AASS: variants seen among roughly 807,000 people sequenced by gnomAD.
The protein encoded by AASS is aminoadipate-semialdehyde synthase, also known as alpha-aminoadipic semialdehyde synthase, mitochondrial.
A neutral mutation model predicts 105.4 loss-of-function variants in AASS; 86 were observed. That is an observed-to-expected ratio of 0.82 (90% confidence interval 0.69 to 0.98). AASS has a LOEUF of 0.98. AASS is among the 50% of genes least tolerant of loss of function. AASS has a pLI of 0.00. For missense variants in AASS, 1,048 were observed against 1,143.2 expected, an observed-to-expected ratio of 0.92 and a Z score of 1.20; for synonymous variants, 381 against 394.8, an observed-to-expected ratio of 0.96 and a Z score of 0.41.
intron 11 of AASS, among the ~76,000 whole-genome samples, chr7:122,111,513 C>T (rs279668): frequency 0.63 from 96,016 of 152,074 alleles, 32,265 homozygotes; most frequent in African/African-American, 0.89. Flanking sequence ...ATGGTAAACA[C>T]CTTGGTAAAT....
chr7:122,130,310 G>A (rs1399225204), intron 2 of AASS, among the ~76,000 whole-genome samples: 1 of 151,958 alleles, frequency 6.6e-6, no homozygotes. Context: ...TCAGTAAGAG[G>A]CATTGAAGGC....
chr7:122,095,041 C>T (rs146425709), intron 15 of AASS, among the ~76,000 whole-genome samples: 29 of 152,200 alleles, frequency 1.9e-4, no homozygotes, highest in African/African-American at 7.0e-4. Flanking sequence ...TCCCAGATTT[C>T]CCCAAAGCCA....
At chr7:122,097,153 T>C (rs1039348737) in intron 15 of AASS, among the ~76,000 whole-genome samples, 1 of 151,888 alleles carries the variant, frequency 6.6e-6, no homozygotes, top group African/African-American at 2.4e-5. Context: ...CAGAACTACC[T>C]TTCATTATAT....
intron 17 of AASS, among the ~76,000 whole-genome samples, chr7:122,092,420 G>A (rs1376443750): frequency 6.6e-6 from 1 of 152,062 alleles, no homozygotes; most frequent in Non-Finnish European, 1.5e-5. Context: ...TGCTACCTAA[G>A]ACTTGGACAT....
intron 20 of AASS, among the ~76,000 whole-genome samples, chr7:122,080,471 C>T (rs1793258492): frequency 6.6e-6 from 1 of 152,144 alleles, no homozygotes; most frequent in Non-Finnish European, 1.5e-5. Context: ...AGAATGTCTG[C>T]ACCAACCTTC....
chr7:122,115,344 T>C, intron 8 of AASS, 122 bp from the exon 9 acceptor site: 2 of 1,296,014 alleles, frequency 1.5e-6, no homozygotes, highest in Non-Finnish European at 2.2e-6. Context: ...ATTGATTTTC[T>C]TATTGTCCAT....
rs1160905642 is a variant in AASS at position 122,129,527 on chromosome 7, T to C, written c.221A>G (p.Lys74Arg). Residue 74 changes from lysine (K) to arginine (R), a missense_variant, in exon 3 of 24, where the codon AAA (lysine) becomes AGA (arginine). Lys to Arg is a conservative substitution (Grantham distance 26). Coordinates refer to ENST00000417368, the MANE Select transcript of AASS (RefSeq NM_005763.4). ...ATCCTCCTGAAGAATGCCACCAGCT[T>C]TGACATAGTCCTGAAATTGTAATTA... ...RRAIHDKDYV[K>R]AGGILQEDIS... The C allele has an allele frequency of 3.1e-6, 5 of 1,613,234 alleles. No individual in the cohort carries two copies. Among genetic ancestry groups the C allele is most frequent in the Non-Finnish European group, 4.2e-6 (5 of 1,179,472 alleles).
intron 15 of AASS, among the ~76,000 whole-genome samples, chr7:122,094,021 A>T (rs1338033070): frequency 3.9e-5 from 6 of 152,032 alleles, no homozygotes; most frequent in African/African-American, 1.4e-4. Context: ...CTCACTTACA[A>T]GTAAGTGGGA....
At chr7:122,080,088 C>CT (rs1401868596) in intron 20 of AASS, among the ~76,000 whole-genome samples, 1 of 152,164 alleles carries the variant, frequency 6.6e-6, no homozygotes, top group Non-Finnish European at 1.5e-5. Context: ...GTGGAAAAGG[C>CT]TTACTGCAGT....
At chr7:122,092,705 C>G in intron 17 of AASS, 138 bp downstream of exon 17, 1 of 744,826 alleles carries the variant, frequency 1.3e-6, no homozygotes, top group Non-Finnish European at 2.3e-6. Flanking sequence ...GCCTGGGCAA[C>G]AAGAGCAAAA....
intron 1 of AASS, among the ~76,000 whole-genome samples, chr7:122,134,359 A>T (rs1483117455): frequency 6.6e-6 from 1 of 152,180 alleles, no homozygotes; most frequent in African/African-American, 2.4e-5. Flanking sequence ...CCTTAATATC[A>T]CATGATCATA....
Position 122,113,159 on chromosome 7 carries a change from CTGTAG to C in AASS, c.1232_1236del (p.Ala411GlyfsTer12). The C allele has an allele frequency of 6.2e-7, 1 of 1,614,032 alleles. No homozygotes were observed. Among genetic ancestry groups the C allele is most frequent in the African/African-American group, 1.3e-5 (1 of 75,042 alleles). On this transcript the variant is annotated frameshift_variant, in exon 11 of 24. Transcript: ENST00000417368. LOFTEE classifies it high-confidence loss of function. ...GGGTAAAGCATGTCTCCAAAGCATT[CTGTAG>C]CTTCAATTGGGAGCTGTGCCGGCAA... is the stretch of plus-strand genomic sequence containing the variant.
intron 1 of AASS, among the ~76,000 whole-genome samples, chr7:122,136,948 A>G (rs771326578): frequency 6.6e-6 from 1 of 152,242 alleles, no homozygotes; most frequent in Non-Finnish European, 1.5e-5. Context: ...AGTCACTTGT[A>G]ACATACACAC....
chr7:122,133,686 AC>A lies in AASS; in HGVS notation c.40del (p.Val14SerfsTer20), dbSNP rs753159009. On this transcript the variant is annotated frameshift_variant, in exon 2 of 24. Coordinates refer to ENST00000417368, the MANE Select transcript of AASS (RefSeq NM_005763.4). LOFTEE classifies it high-confidence loss of function. ...VHRTGLGRLG[V>X]SLSKGLHHKA... ...GTGGTGAAGACCCTTGGAGAGGCTG[AC>A]CCCCAGCCTGCCCAGTCCAGTCCTA... 2 of 1,613,916 alleles carry A rather than the reference AC, an allele frequency of 1.2e-6. No homozygotes were observed. The highest frequency in any genetic ancestry group is 4.5e-5 in the East Asian group (2 of 44,856).
intron 1 of AASS, among the ~76,000 whole-genome samples, chr7:122,141,668 A>C (rs1796406663): frequency 5.4e-5 from 4 of 74,262 alleles, no homozygotes; most frequent in South Asian, 7.2e-4. Flanking sequence ...CAAAAAAAAA[A>C]AAAAAAAAAA....
rs149527213 is a variant in AASS, at chr7:122,077,977, G to C, written c.2523C>G (p.Ser841Arg). ...EEKDMIVMRD[S>R]FGIRHPSGHL... ...GTCCAGAAGGATGTCTGATTCCAAAGCTGTCTCTCATCACAATCATATCTT... is the reference window on the plus strand; with the variant it reads ...GTCCAGAAGGATGTCTGATTCCAAACCTGTCTCTCATCACAATCATATCTT... The change falls in exon 23 of 24, where the codon AGC (serine) becomes AGG (arginine). Residue 841 changes from serine to arginine, a missense_variant. By Grantham distance (110) the Ser-to-Arg change is moderately radical. Coordinates refer to ENST00000417368, the MANE Select transcript of AASS (RefSeq NM_005763.4). The C allele has an allele frequency of 1.9e-5, 31 of 1,614,040 alleles. No homozygotes were observed. The highest frequency in any genetic ancestry group is 2.4e-5 in the Non-Finnish European group (28 of 1,180,038).
At chr7:122,102,095 C>T (rs934400916) in intron 11 of AASS, among the ~76,000 whole-genome samples, 1 of 151,814 alleles carries the variant, frequency 6.6e-6, no homozygotes, top group Non-Finnish European at 1.5e-5. Flanking sequence ...TGAGGTTTTC[C>T]ACTCAGCAAG....
chr7:122,136,012 T>A (rs763874591), intron 1 of AASS, among the ~76,000 whole-genome samples: 29 of 152,220 alleles, frequency 1.9e-4, no homozygotes, highest in Admixed American at 4.6e-4. Flanking sequence ...CAGATGATGA[T>A]TTGCTGGATC....
rs766340331 is a variant in AASS, at chr7:122,115,203, C to T, written c.914G>A (p.Cys305Tyr). 6.2e-7 allele frequency: 1 copy of T among 1,614,000 alleles called. No homozygotes were observed. The highest frequency in any genetic ancestry group is 8.5e-7 in the Non-Finnish European group (1 of 1,179,976). ...FNTDIAPYTT[C>Y]LINGIYWEQN... ...TTCCCAGTAGATTCCATTAATTAAG[C>T]AAGTTGTATAGGGTGCAATCTGTAA... is the stretch of plus-strand genomic sequence containing the variant. The change falls in exon 9 of 24, where the codon TGC (cysteine) becomes TAC (tyrosine). Residue 305 changes from cysteine (C) to tyrosine (Y), a missense_variant. By Grantham distance (194) the Cys-to-Tyr change is radical (BLOSUM62 -2). Coordinates refer to ENST00000417368, the MANE Select transcript of AASS (RefSeq NM_005763.4).
Sources: gnomAD v4.1 joint callset for allele counts (sites outside exome capture counted in the v4.1 genomes callset) on GRCh38, gnomAD v4.1.1 for gene constraint, MANE v1.5 for transcripts, NCBI Gene and HGNC (gene_info 2026-07-23, HGNC 2026-07-21) for gene names.